The following PHF3 variants were observed in gnomAD, a reference collection of about 807,000 sequenced individuals.
PHF3 encodes the protein PHD finger protein 3.
A neutral mutation model predicts 178.4 loss-of-function variants in PHF3; 41 were observed. The ratio of observed to expected loss-of-function variants is 0.23; its 90% CI spans 0.18 to 0.30. The LOEUF is 0.30. PHF3 is among the 10% of genes least tolerant of loss of function. The pLI is 1.00. For missense variants in PHF3, 2,346 were observed against 2,398.1 expected, an observed-to-expected ratio of 0.98 and a Z score of 0.45; for synonymous variants, 842 against 800.5, an observed-to-expected ratio of 1.05 and a Z score of -0.88.
rs1764300935 is a variant in PHF3, at chr6:63,635,823, C to T, written c.-353C>T. 2 of 395,296 alleles carry T rather than the reference C, an allele frequency of 5.1e-6. No individual in the cohort carries two copies. The highest frequency in any genetic ancestry group is 3.6e-5 in the East Asian group (1 of 27,892). The allele number at this position is 395,296 out of a possible 1,614,324, so 24.5% of individuals were successfully genotyped here. A position where few individuals can be genotyped will look rare whatever the true frequency, so the allele number is the denominator to read the frequency against. Reference sequence around the variant, plus strand: ...AAACAGTGGGGTCACGTGACACGGCCCCTCTCCAGCTCCCGCGCCGCCGCC... The same window carrying T: ...AAACAGTGGGGTCACGTGACACGGCTCCTCTCCAGCTCCCGCGCCGCCGCC... On this transcript the variant is annotated 5_prime_UTR_variant, in exon 1 of 16. Coordinates refer to ENST00000262043, the MANE Select transcript of PHF3 (RefSeq NM_001370348.2).
chr6:63,674,802 C>G (rs1038436368), intron 2 of PHF3, among the ~76,000 whole-genome samples: 1 of 152,174 alleles, frequency 6.6e-6, no homozygotes, highest in East Asian at 1.9e-4. Context: ...AGGAAATAAC[C>G]GACGTAGAAG....
At chr6:63,669,722 G>A (rs1039633349) in intron 2 of PHF3, among the ~76,000 whole-genome samples, 1 of 152,196 alleles carries the variant, frequency 6.6e-6, no homozygotes, top group South Asian at 2.1e-4. Flanking sequence ...TTGATGTAAG[G>A]GATTACCCAT....
At position 63,712,438 on chromosome 6, in the gene PHF3, G is replaced by C; in HGVS notation, c.4850G>C (p.Arg1617Thr). The stretch of plus-strand genomic sequence containing the variant: ...CAGACTTCAAATAGTTCTCCATGCA[G>C]ATCTAATGTAGGAAAAGGAAACATA... ...DNQTSNSSPC[R>T]SNVGKGNIDG... is the part of the protein sequence containing the mutation. Residue 1617 changes from arginine to threonine, a missense_variant, in exon 16 of 16, where the codon AGA becomes ACA. By Grantham distance (71) the Arg-to-Thr change is moderately conservative (BLOSUM62 -1). This residue lies in a region of PHF3 where 839 missense variants were observed against 806.9 expected (regional missense o/e 1.04). Transcript: ENST00000262043. The C allele has an allele frequency of 1.2e-6, 2 of 1,614,014 alleles. No homozygotes were observed. The highest frequency in any genetic ancestry group is 1.7e-6 in the Non-Finnish European group (2 of 1,179,960).
At chr6:63,656,652 C>T (rs973342389) in intron 2 of PHF3, among the ~76,000 whole-genome samples, 1 of 152,194 alleles carries the variant, frequency 6.6e-6, no homozygotes, top group African/African-American at 2.4e-5. Context: ...CTGAGCTTTA[C>T]TGCTCTCCTT....
chr6:63,698,681 G>A (rs1767342435), intron 8 of PHF3, 76 bp downstream of exon 8: 1 of 992,248 alleles, frequency 1.0e-6, no homozygotes, highest in East Asian at 2.6e-5. Context: ...TAATACAGTA[G>A]ATCTATAATT....
chr6:63,659,965 G>T (rs796152335), intron 2 of PHF3, among the ~76,000 whole-genome samples: 30 of 152,206 alleles, frequency 2.0e-4, no homozygotes, highest in African/African-American at 7.0e-4. Flanking sequence ...GTTCTGTTAA[G>T]ATCAGTGCTC....
In PHF3 at chr6:63,687,151, G is replaced by A. The variant is rs575661334; in HGVS notation, c.2189+1240G>A. Among the ~76,000 whole-genome samples the A allele has an allele frequency of 3.9e-5, 6 of 152,160 alleles. No individual in the cohort carries two copies. In the East Asian group the frequency reaches 5.8e-4, roughly 15 times the overall value. Reference sequence around the variant, plus strand: ...ACACCTTACTCAGCCAGGCGCAGTCGCATGCCTGTAATCCCAGCACTTTGG... The same window carrying A: ...ACACCTTACTCAGCCAGGCGCAGTCACATGCCTGTAATCCCAGCACTTTGG... On this transcript the variant is annotated intron_variant, in intron 4 of 15. Transcript: ENST00000262043.
chr6:63,646,003 C>CTA (rs551566778), intron 1 of PHF3, among the ~76,000 whole-genome samples: 85 of 152,042 alleles, frequency 5.6e-4, no homozygotes, highest in African/African-American at 1.7e-3. Flanking sequence ...AGCCCTTTGT[C>CTA]TATATATATA....
At chr6:63,647,841 C>CAGT (rs1402014703) in intron 2 of PHF3, among the ~76,000 whole-genome samples, 1 of 152,104 alleles carries the variant, frequency 6.6e-6, no homozygotes, top group Non-Finnish European at 1.5e-5. Flanking sequence ...TCCCATGGAA[C>CAGT]AGTAAGGTTT....
At chr6:63,664,058 A>G (rs1023087576) in intron 2 of PHF3, among the ~76,000 whole-genome samples, 9 of 152,234 alleles carry the variant, frequency 5.9e-5, no homozygotes, top group Non-Finnish European at 7.3e-5. Context: ...GCTAAAAAAT[A>G]GGAATTCCAG....
rs1211654276 is a variant in PHF3 at position 63,709,195 on chromosome 6, G to C, written c.3756G>C (p.Gln1252His). The C allele has an allele frequency of 6.2e-7, 1 of 1,611,218 alleles. No homozygotes were observed. Among genetic ancestry groups the C allele is most frequent in the Non-Finnish European group, 8.5e-7 (1 of 1,178,858 alleles). ...AAGTAGGTGGCAGGATATCACCTCAGACAGTTTGGGATTATGTGGAAAAAA... is the reference window on the plus strand; with the variant it reads ...AAGTAGGTGGCAGGATATCACCTCACACAGTTTGGGATTATGTGGAAAAAA... ...SIQVGGRISP[Q>H]TVWDYVEKIK... Residue 1252 changes from glutamine to histidine, a missense_variant, in exon 14 of 16, where the codon CAG becomes CAC. This residue lies in a region of PHF3 where 90 missense variants were observed against 136.6 expected (regional missense o/e 0.66). Transcript: ENST00000262043.
intron 2 of PHF3, among the ~76,000 whole-genome samples, chr6:63,671,221 A>G (rs769332972): frequency 1.1e-4 from 16 of 152,062 alleles, no homozygotes; most frequent in Non-Finnish European, 2.1e-4. Flanking sequence ...TTTCTTTGAG[A>G]TAAAAGTGAT....
chr6:63,703,812 G>A lies in PHF3; in HGVS notation c.3367+141G>A, dbSNP rs1054774881. ...TCACTCACAGTCTTTAAGCTTTCGT[G>A]TGACTGGTTTTCTGGGTTGAGGTAT... On this transcript the variant is annotated intron_variant, in intron 11 of 15. Transcript: ENST00000262043. The A allele has an allele frequency of 1.4e-5, 10 of 739,762 alleles. No individual in the cohort carries two copies. In the Admixed American group the frequency reaches 2.0e-4, roughly 15 times the overall value. 45.8% of individuals were successfully genotyped at this position (739,762 alleles called of 1,614,324 possible). A position where few individuals can be genotyped will look rare whatever the true frequency, so the allele number is the denominator to read the frequency against.
intron 2 of PHF3, among the ~76,000 whole-genome samples, chr6:63,663,455 C>T (rs552806386): frequency 5.3e-5 from 8 of 152,256 alleles, no homozygotes; most frequent in African/African-American, 1.9e-4. Context: ...CTAGATTTCT[C>T]CAAATCATAG....
chr6:63,703,930 A>G (rs1350886740), intron 11 of PHF3, among the ~76,000 whole-genome samples: 1 of 152,214 alleles, frequency 6.6e-6, no homozygotes, highest in Non-Finnish European at 1.5e-5. Flanking sequence ...TCAAATGACA[A>G]GAATTTAACC....
intron 2 of PHF3, among the ~76,000 whole-genome samples, chr6:63,675,920 G>C (rs1460941379): frequency 1.3e-5 from 2 of 152,096 alleles, no homozygotes; most frequent in Non-Finnish European, 2.9e-5. Context: ...TCTCTGCTTT[G>C]TGTGTCAAAC....
intron 7 of PHF3, 36 bp from the exon 8 acceptor site, chr6:63,698,413 A>G (rs374407406): frequency 1.3e-6 from 2 of 1,584,812 alleles, no homozygotes; most frequent in Non-Finnish European, 1.7e-6. Context: ...TATGCTTTAT[A>G]CATTTGAAAA....
In PHF3 at chr6:63,703,547, C is replaced by T. The variant is rs1366739692; in HGVS notation, c.3243C>T (p.Ala1081=). Residue 1081 remains alanine, a synonymous_variant, in exon 11 of 16, where the codon GCC becomes GCT. Coordinates refer to ENST00000262043, the MANE Select transcript of PHF3 (RefSeq NM_001370348.2). ...TTGACTTACGTTAGGAACCAGCCGC[C>T]AATAAGTCATTGGAGAAGCCAGAAG... ...EAAMEIQEPA[A]NKSLEKPEGS... 6.2e-7 allele frequency: 1 copy of T among 1,607,808 alleles called. No individual in the cohort carries two copies. The highest frequency in any genetic ancestry group is 8.5e-7 in the Non-Finnish European group (1 of 1,178,334).
intron 2 of PHF3, among the ~76,000 whole-genome samples, chr6:63,653,377 G>GA (rs900477550): frequency 6.6e-6 from 1 of 151,238 alleles, no homozygotes; most frequent in Non-Finnish European, 1.5e-5. Context: ...TCTGTTATTA[G>GA]TTTTTTTTGT....
Sources: allele counts gnomAD v4.1 joint callset (sites outside exome capture counted in the v4.1 genomes callset), GRCh38; gene constraint gnomAD v4.1.1; regional missense constraint gnomAD v4.1.1; transcripts MANE v1.5; gene names NCBI Gene and HGNC (gene_info 2026-07-23, HGNC 2026-07-21).